Variants in MARCHF6 observed in about 807,000 individuals in gnomAD.
The protein encoded by MARCHF6 is membrane associated ring-CH-type finger 6.
A neutral mutation model predicts 133.7 loss-of-function variants in MARCHF6; 31 were observed. That is an observed-to-expected ratio of 0.23 (90% confidence interval 0.17 to 0.31). The LOEUF (loss-of-function observed/expected upper bound fraction) is 0.31. Ranked by LOEUF, MARCHF6 falls within the 10% of genes least tolerant of loss-of-function variation. The pLI is 1.00. For synonymous variants in MARCHF6, 395 were observed against 402.5 expected (o/e 0.98, Z 0.22); for missense variants, 723 against 1,121.6 (o/e 0.64, Z 5.08).
chr5:10,365,690 T>C (rs1736102888), intron 1 of MARCHF6, among the ~76,000 whole-genome samples: 1 of 152,214 alleles, frequency 6.6e-6, no homozygotes, highest in Admixed American at 6.5e-5. Flanking sequence ...GAAATATTTT[T>C]TGTAAAATTT....
intron 17 of MARCHF6, 136 bp from the exon 18 acceptor site, chr5:10,410,003 T>G: frequency 1.1e-6 from 1 of 917,728 alleles, no homozygotes; most frequent in Non-Finnish European, 1.6e-6. Flanking sequence ...AAAGCCTCAC[T>G]GAGTTGGAGA....
chr5:10,364,228 A>G (rs146473521), intron 1 of MARCHF6, among the ~76,000 whole-genome samples: 258 of 152,298 alleles, frequency 1.7e-3, no homozygotes, highest in African/African-American at 6.0e-3. Context: ...GAATTTTCAT[A>G]TACTGCTGGT....
intron 1 of MARCHF6, among the ~76,000 whole-genome samples, chr5:10,367,545 A>G (rs1014136590): frequency 1.3e-5 from 2 of 152,224 alleles, no homozygotes; most frequent in African/African-American, 4.8e-5. Context: ...CTTTCAAGAT[A>G]GATAATAGCT....
At position 10,405,565 on chromosome 5, in the gene MARCHF6, G is replaced by A. The variant is rs758206728; in HGVS notation, c.1340G>A (p.Arg447Gln). The change falls in exon 16 of 26, where the codon CGA (arginine) becomes CAA (glutamine). Residue 447 changes from arginine (R) to glutamine (Q), a missense_variant. Arg to Gln is a conservative substitution (Grantham distance 43). Coordinates refer to ENST00000274140, the MANE Select transcript of MARCHF6 (RefSeq NM_005885.4). ...TTTAAAATATATTTGCAGGTACTTC[G>A]ACCTGGTGTCCTGTGGTTTCTAAGG... The part of the protein sequence containing the change: ...SFILLLREVL[R>Q]PGVLWFLRNL... 8.1e-6 allele frequency: 13 copies of A among 1,596,804 alleles called. No individual in the cohort carries two copies. The highest frequency in any genetic ancestry group is 1.4e-5 in the African/African-American group (1 of 73,532).
chr5:10,433,450 C>T (rs899895727), intron 25 of MARCHF6, 144 bp from the exon 26 acceptor site: 1 of 637,500 alleles, frequency 1.6e-6, no homozygotes, highest in Admixed American at 2.4e-5. Context: ...GATGTGTCAG[C>T]CTTTACAGGT....
chr5:10,411,883 G>A (rs1650574717), intron 19 of MARCHF6, among the ~76,000 whole-genome samples: 1 of 152,182 alleles, frequency 6.6e-6, no homozygotes, highest in Admixed American at 6.5e-5. Context: ...GCAAAGTGTA[G>A]GCGATAATTT....
rs1189526934 is a variant in MARCHF6, at chr5:10,437,081, T to A, written c.*3397T>A. ...TGACTTTTTAAAACAAAACAAACAC[T>A]GGACAGTTCTACATTGTATTGCGTT... On this transcript the variant is annotated 3_prime_UTR_variant, in exon 26 of 26. Coordinates refer to ENST00000274140, the MANE Select transcript of MARCHF6 (RefSeq NM_005885.4). 6.6e-6 allele frequency: 1 copy of A among 152,250 alleles called. No individual in the cohort carries two copies. Among genetic ancestry groups the A allele is most frequent in the Non-Finnish European group, 1.5e-5 (1 of 68,046 alleles). The allele number at this position is 152,250 out of a possible 1,614,324, so 9.4% of individuals were successfully genotyped here. A position where few individuals can be genotyped will look rare whatever the true frequency, so the allele number is the denominator to read the frequency against.
At position 10,361,810 on chromosome 5, in the gene MARCHF6, C is replaced by T. The variant is rs112769004; in HGVS notation, c.19+7893C>T. Among the ~76,000 whole-genome samples the T allele has an allele frequency of 8.5e-4, 130 of 152,070 alleles. 2 individuals are homozygous for T. Among genetic ancestry groups the T allele is most frequent in the African/African-American group, 2.9e-3 (121 of 41,482 alleles). ...CGGAGTTTAGCTCTTGTTGCCTAGG[C>T]TGCAGTGCAATGGCGCGATCTCGGC... On this transcript the variant is annotated intron_variant, in intron 1 of 25. Transcript: ENST00000274140.
At chr5:10,393,316 C>A (rs930111876) in intron 7 of MARCHF6, among the ~76,000 whole-genome samples, 5 of 152,162 alleles carry the variant, frequency 3.3e-5, no homozygotes, top group Admixed American at 6.5e-5. Flanking sequence ...CTCAAGTGAT[C>A]CTCCTGCCTC....
Position 10,395,963 on chromosome 5 carries a change from A to G in MARCHF6, c.861+1178A>G, listed in dbSNP as rs57544322. Among the ~76,000 whole-genome samples, 124 of 152,358 alleles carry G rather than the reference A, an allele frequency of 8.1e-4. 2 individuals carry two copies. Among genetic ancestry groups the G allele is most frequent in the African/African-American group, 2.8e-3 (115 of 41,582 alleles). On this transcript the variant is annotated intron_variant, in intron 9 of 25. Coordinates refer to ENST00000274140, the MANE Select transcript of MARCHF6 (RefSeq NM_005885.4). ...TCAGTATAGAAAGCATTATTTGGCC[A>G]CATACTGATTTATATTCCTTACCCC...
chr5:10,406,416 G>A (rs1738894604), intron 16 of MARCHF6, among the ~76,000 whole-genome samples: 1 of 149,512 alleles, frequency 6.7e-6, no homozygotes, highest in Admixed American at 6.7e-5. Context: ...TTGAGATGGA[G>A]TTTTGGTCTG....
chr5:10,354,452 G>A (rs1437774763), intron 1 of MARCHF6, among the ~76,000 whole-genome samples: 1 of 152,132 alleles, frequency 6.6e-6, no homozygotes, highest in African/African-American at 2.4e-5. Flanking sequence ...CTTGCCTGCC[G>A]CTCGAGAATC....
intron 1 of MARCHF6, among the ~76,000 whole-genome samples, chr5:10,376,550 A>G (rs989360962): frequency 6.6e-6 from 1 of 152,196 alleles, no homozygotes; most frequent in Admixed American, 6.5e-5. Context: ...ATCAATAACC[A>G]GGGAGATTAG....
At position 10,386,974 on chromosome 5, in the gene MARCHF6, A is replaced by C. The variant is rs1251876512; in HGVS notation, c.335-20A>C. Reference sequence around the variant, plus strand: ...ATGATGCGAGTTGTGACTGTGTGCCATCATGCTCTTTTTCGGTAGGCCGCA... The same window carrying C: ...ATGATGCGAGTTGTGACTGTGTGCCCTCATGCTCTTTTTCGGTAGGCCGCA... On this transcript the variant is annotated intron_variant, in intron 4 of 25. Transcript: ENST00000274140. 1 of 1,606,972 alleles carries C rather than the reference A, an allele frequency of 6.2e-7. No homozygotes were observed. Among genetic ancestry groups the C allele is most frequent in the Non-Finnish European group, 8.5e-7 (1 of 1,173,734 alleles).
At chr5:10,408,106 A>G (rs962401861) in intron 17 of MARCHF6, among the ~76,000 whole-genome samples, 1 of 152,166 alleles carries the variant, frequency 6.6e-6, no homozygotes, top group Non-Finnish European at 1.5e-5. Flanking sequence ...GTTTACTTCT[A>G]ATGAGTCTTT....
At chr5:10,412,425 A>C (rs372046376) in intron 19 of MARCHF6, among the ~76,000 whole-genome samples, 42 of 152,344 alleles carry the variant, frequency 2.8e-4, no homozygotes, top group African/African-American at 9.1e-4. Flanking sequence ...ACCCAAAGGA[A>C]TCTTCCTAGA....
At chr5:10,430,882 A>G (rs1740330422) in intron 25 of MARCHF6, among the ~76,000 whole-genome samples, 1 of 152,194 alleles carries the variant, frequency 6.6e-6, no homozygotes, top group Non-Finnish European at 1.5e-5. Flanking sequence ...GAGGAAAGCC[A>G]AGGAAAACAC....
chr5:10,426,733 T>C (rs566046652), intron 24 of MARCHF6, among the ~76,000 whole-genome samples: 8 of 152,354 alleles, frequency 5.3e-5, no homozygotes, highest in African/African-American at 1.7e-4. Flanking sequence ...ACAGTTCTTT[T>C]CTCTACCAGA....
At chr5:10,405,721 G>A (rs762978269) in intron 16 of MARCHF6, 44 bp downstream of exon 16, 1 of 1,543,908 alleles carries the variant, frequency 6.5e-7, no homozygotes. Flanking sequence ...AATTAATTGT[G>A]CTAACCTATA....
Sources: gnomAD v4.1 joint callset for allele counts (sites outside exome capture counted in the v4.1 genomes callset) on GRCh38, gnomAD v4.1.1 for gene constraint, MANE v1.5 for transcripts, NCBI Gene and HGNC (gene_info 2026-07-23, HGNC 2026-07-21) for gene names.